VHL: variants seen among roughly 807,000 people sequenced by gnomAD.
The protein encoded by VHL is von Hippel-Lindau disease tumor suppressor.
Under a neutral mutation model 19.2 loss-of-function variants are expected in VHL, and 10 were observed. The observed-to-expected ratio is 0.52, with a 90% CI of 0.32 to 0.89. VHL has a LOEUF of 0.89. Among genes scored for constraint, VHL ranks in the 40% least tolerant of loss-of-function variants. The probability of loss-of-function intolerance (pLI) is 0.03; values close to 1 mark genes in which losing one functional copy is unlikely to be tolerated. For missense variants in VHL, 328 were observed against 292.7 expected, an observed-to-expected ratio of 1.12 and a Z score of -0.88; for synonymous variants, 167 against 129.5, an observed-to-expected ratio of 1.29 and a Z score of -1.97.
At chr3:10,145,828 A>C (rs1392750477) in intron 1 of VHL, among the ~76,000 whole-genome samples, 2 of 152,152 alleles carry the variant, frequency 1.3e-5, no homozygotes, top group Non-Finnish European at 2.9e-5. Context: ...GTTTTTGAGA[A>C]GCACTGATTT....
intron 1 of VHL, among the ~76,000 whole-genome samples, chr3:10,145,716 A>AG (rs1696239144): frequency 6.6e-6 from 1 of 151,672 alleles, no homozygotes; most frequent in East Asian, 1.9e-4. Context: ...AAAAAAAAAA[A>AG]AAAGAAAAAG....
Position 10,142,052 on chromosome 3 carries a change from C to A in VHL, c.205C>A (p.Arg69Ser). 1 of 1,605,474 alleles carries A rather than the reference C, an allele frequency of 6.2e-7. No individual in the cohort carries two copies. The highest frequency in any genetic ancestry group is 1.7e-4 in the Middle Eastern group (1 of 6,044). The change falls in exon 1 of 3, where the codon CGC becomes AGC. Residue 69 changes from arginine to serine, a missense_variant. Coordinates refer to ENST00000256474, the MANE Select transcript of VHL (RefSeq NM_000551.4). ...GCCCGTGCTGCGCTCGGTGAACTCG[C>A]GCGAGCCCTCCCAGGTCATCTTCTG... ...PRPVLRSVNS[R>S]EPSQVIFCNR...
At position 10,142,032 on chromosome 3, in the gene VHL, T is replaced by C. The variant is rs1696127941; in HGVS notation, c.185T>C (p.Val62Ala). ...ATGGAGGCCGGGCGGCCGCGGCCCG[T>C]GCTGCGCTCGGTGAACTCGCGCGAG... ...EEMEAGRPRP[V>A]LRSVNSREPS... Residue 62 changes from valine to alanine, a missense_variant, in exon 1 of 3, where the codon GTG becomes GCG. Physicochemically the swap from Val to Ala is moderately conservative, Grantham distance 64. Transcript: ENST00000256474. 1 of 1,599,958 alleles carries C rather than the reference T, an allele frequency of 6.3e-7. No homozygotes were observed. Among genetic ancestry groups the C allele is most frequent in the Admixed American group, 1.7e-5 (1 of 58,356 alleles).
rs181381146 is a variant in VHL, at chr3:10,145,685, G to C, written c.341-829G>C. Among the ~76,000 whole-genome samples the C allele has an allele frequency of 4.3e-3, 579 of 134,650 alleles. 18 individuals carry two copies. In the South Asian group the frequency reaches 0.057, roughly 13 times the overall value. The allele number at this position is 134,650 out of a possible 152,430, so 88.3% of individuals were successfully genotyped here. On this transcript the variant is annotated intron_variant, in intron 1 of 2. Transcript: ENST00000256474. ...CGTGCCACTGCACTCCAGCCTGGGC[G>C]ACAGAGCAAGACTGCATCTCAAAAA...
intron 2 of VHL, among the ~76,000 whole-genome samples, chr3:10,147,324 T>G (rs983443539): frequency 6.6e-6 from 1 of 151,134 alleles, no homozygotes; most frequent in Non-Finnish European, 1.5e-5. Flanking sequence ...TATTTTCAAT[T>G]TAACACAATC....
At chr3:10,149,666 T>G in intron 2 of VHL, 121 bp from the exon 3 acceptor site, 1 of 876,684 alleles carries the variant, frequency 1.1e-6, no homozygotes, top group Non-Finnish European at 1.8e-6. Context: ...GCACTCACTT[T>G]TTTTCTTTAA....
In VHL at chr3:10,141,932, G is replaced by A. The variant is rs1277221408; in HGVS notation, c.85G>A (p.Gly29Ser). 6.5e-7 allele frequency: 1 copy of A among 1,540,064 alleles called. No homozygotes were observed. The highest frequency in any genetic ancestry group is 1.4e-5 in the African/African-American group (1 of 72,722). ...GVEEYGPEED[G>S]GEESGAEESG... Reference sequence around the variant, plus strand: ...CGAAGAGTACGGCCCTGAAGAAGACGGCGGGGAGGAGTCGGGCGCCGAGGA... The same window carrying A: ...CGAAGAGTACGGCCCTGAAGAAGACAGCGGGGAGGAGTCGGGCGCCGAGGA... Residue 29 changes from glycine (G) to serine (S), a missense_variant, in exon 1 of 3, where the codon GGC becomes AGC. Gly to Ser is a moderately conservative substitution (Grantham distance 56, BLOSUM62 0). Coordinates refer to ENST00000256474, the MANE Select transcript of VHL (RefSeq NM_000551.4).
In VHL at chr3:10,149,913, A is replaced by C. The variant is rs752940316; in HGVS notation, c.590A>C (p.Asp197Ala). 3.7e-6 allele frequency: 6 copies of C among 1,614,196 alleles called. No homozygotes were observed. The highest frequency in any genetic ancestry group is 5.1e-6 in the Non-Finnish European group (6 of 1,180,036). The change falls in exon 3 of 3, where the codon GAC becomes GCC. Residue 197 changes from aspartate (D) to alanine (A), a missense_variant. Asp to Ala is a moderately radical substitution (Grantham distance 126, BLOSUM62 -2). Coordinates refer to ENST00000256474, the MANE Select transcript of VHL (RefSeq NM_000551.4). Reference protein sequence around the residue: ...DLEDHPNVQKDLERLTQERIA... With the variant: ...DLEDHPNVQKALERLTQERIA... ...GAAGACCACCCAAATGTGCAGAAAG[A>C]CCTGGAGCGGCTGACACAGGAGCGC...
rs774557051 is a variant in VHL, at chr3:10,142,063, C to T, written c.216C>T (p.Ser72=). 1.2e-6 allele frequency: 2 copies of T among 1,607,248 alleles called. No individual in the cohort carries two copies. Among genetic ancestry groups the T allele is most frequent in the Non-Finnish European group, 1.7e-6 (2 of 1,179,154 alleles). ...VLRSVNSREP[S]QVIFCNRSPR... ...GCTCGGTGAACTCGCGCGAGCCCTC[C>T]CAGGTCATCTTCTGCAATCGCAGTC... The change falls in exon 1 of 3, where the codon TCC becomes TCT. Residue 72 remains serine, a synonymous_variant. Transcript: ENST00000256474.
At position 10,149,810 on chromosome 3, in the gene VHL, C is replaced by A; in HGVS notation, c.487C>A (p.Leu163Ile). 1 of 1,614,190 alleles carries A rather than the reference C, an allele frequency of 6.2e-7. No individual in the cohort carries two copies. The highest frequency in any genetic ancestry group is 8.5e-7 in the Non-Finnish European group (1 of 1,180,050). The part of the protein sequence containing the change: ...LPVYTLKERC[L>I]QVVRSLVKPE... ...AGTGTATACTCTGAAAGAGCGATGC[C>A]TCCAGGTTGTCCGGAGCCTAGTCAA... The change falls in exon 3 of 3, where the codon CTC (leucine) becomes ATC (isoleucine). Residue 163 changes from leucine (L) to isoleucine (I), a missense_variant. Leu to Ile is a conservative substitution (Grantham distance 5). Coordinates refer to ENST00000256474, the MANE Select transcript of VHL (RefSeq NM_000551.4).
At chr3:10,145,232 A>G (rs1696226666) in intron 1 of VHL, among the ~76,000 whole-genome samples, 1 of 152,104 alleles carries the variant, frequency 6.6e-6, no homozygotes, top group Non-Finnish European at 1.5e-5. Context: ...TGTATATTTT[A>G]CCAAAATTTA....
At chr3:10,142,341 CTTTTTT>C (rs556405301) in intron 1 of VHL, among the ~76,000 whole-genome samples, 154 bp downstream of exon 1, 1 of 107,950 alleles carries the variant, frequency 9.3e-6, no homozygotes, top group African/African-American at 3.7e-5. Context: ...TCAGAGCATT[CTTTTTT>C]TTTTTTTTTT....
chr3:10,146,635 A>G lies in VHL; in HGVS notation c.462A>G (p.Pro154=), dbSNP rs1060503562. 1.2e-6 allele frequency: 2 copies of G among 1,613,658 alleles called. No homozygotes were observed. The highest frequency in any genetic ancestry group is 2.7e-5 in the African/African-American group (2 of 75,034). Residue 154 remains proline (P), a splice_region_variant and synonymous_variant, in exon 2 of 3, where the codon CCA becomes CCG. Coordinates refer to ENST00000256474, the MANE Select transcript of VHL (RefSeq NM_000551.4). ...CTATTTTTGCCAATATCACACTGCCAGGTACTGACGTTTTACTTTTTAAAA... is the reference window on the plus strand; with the variant it reads ...CTATTTTTGCCAATATCACACTGCCGGGTACTGACGTTTTACTTTTTAAAA... ...GQPIFANITL[P]VYTLKERCLQ...
Position 10,150,223 on chromosome 3 carries a change from C to G in VHL, c.*258C>G. On this transcript the variant is annotated 3_prime_UTR_variant, in exon 3 of 3. Coordinates refer to ENST00000256474, the MANE Select transcript of VHL (RefSeq NM_000551.4). ...GAGAAGGTGGTGGCATTTTTGCTTC[C>G]TAGTAAGTCAGGACAGCTTGTATGT... 1 of 1,353,274 alleles carries G rather than the reference C, an allele frequency of 7.4e-7. No homozygotes were observed. Among genetic ancestry groups the G allele is most frequent in the South Asian group, 1.5e-5 (1 of 65,966 alleles). 83.8% of individuals were successfully genotyped at this position (1,353,274 alleles called of 1,614,324 possible).
At chr3:10,146,388 A>G in intron 1 of VHL, 126 bp from the exon 2 acceptor site, 1 of 1,285,184 alleles carries the variant, frequency 7.8e-7, no homozygotes, top group Non-Finnish European at 1.1e-6. Context: ...GTTAGCCAGG[A>G]CGGTCTTGAT....
rs1696383009 is a variant in VHL at position 10,150,466 on chromosome 3, C to G, written c.*501C>G. 8.5e-6 allele frequency: 6 copies of G among 703,754 alleles called. No homozygotes were observed. Among genetic ancestry groups the G allele is most frequent in the Non-Finnish European group, 1.1e-5 (6 of 526,536 alleles). The allele number at this position is 703,754 out of a possible 1,614,324, so 43.6% of individuals were successfully genotyped here. A position where few individuals can be genotyped will look rare whatever the true frequency, so the allele number is the denominator to read the frequency against. ...ACCCCAGTGCCTGCACATCATGAGC[C>G]TTCAGTCAGGGTTTGTCAGAGGAAC... is the stretch of plus-strand genomic sequence containing the variant. On this transcript the variant is annotated 3_prime_UTR_variant, in exon 3 of 3. Coordinates refer to ENST00000256474, the MANE Select transcript of VHL (RefSeq NM_000551.4).
Position 10,150,370 on chromosome 3 carries a change from A to G in VHL, c.*405A>G, listed in dbSNP as rs1425018569. ...CATTCTACATCCGTAGCGGTTGGTGACTTGTCTGCCTCCTGCTTTGGGAAG... is the reference window on the plus strand; with the variant it reads ...CATTCTACATCCGTAGCGGTTGGTGGCTTGTCTGCCTCCTGCTTTGGGAAG... On this transcript the variant is annotated 3_prime_UTR_variant, in exon 3 of 3. Coordinates refer to ENST00000256474, the MANE Select transcript of VHL (RefSeq NM_000551.4). 10 of 1,222,412 alleles carry G rather than the reference A, an allele frequency of 8.2e-6. No homozygotes were observed. In the African/African-American group the frequency reaches 1.5e-4, roughly 19 times the overall value. The allele number at this position is 1,222,412 out of a possible 1,614,324, so 75.7% of individuals were successfully genotyped here. A position where few individuals can be genotyped will look rare whatever the true frequency, so the allele number is the denominator to read the frequency against.
At chr3:10,148,667 A>G (rs2125129807) in intron 2 of VHL, among the ~76,000 whole-genome samples, 1 of 132,534 alleles carries the variant, frequency 7.5e-6, no homozygotes, top group Non-Finnish European at 1.6e-5. Context: ...CTACCACCCC[A>G]AAACTAATAA....
At position 10,142,761 on chromosome 3, in the gene VHL, A is replaced by T. The variant is rs982745672; in HGVS notation, c.340+574A>T. The T allele has an allele frequency of 6.4e-6, 1 of 156,686 alleles. No homozygotes were observed. The highest frequency in any genetic ancestry group is 1.4e-5 in the Non-Finnish European group (1 of 70,542). 9.7% of individuals were successfully genotyped at this position (156,686 alleles called of 1,614,324 possible). A position where few individuals can be genotyped will look rare whatever the true frequency, so the allele number is the denominator to read the frequency against. ...TGCATCCTTAACACCCCATCTGTTC[A>T]GTCCTCATGACTCCAGTGGGCCAGT... is the stretch of plus-strand genomic sequence containing the variant. On this transcript the variant is annotated intron_variant, in intron 1 of 2. Transcript: ENST00000256474.
Sources: gnomAD v4.1 joint callset for allele counts (sites outside exome capture counted in the v4.1 genomes callset) on GRCh38, gnomAD v4.1.1 for gene constraint, MANE v1.5 for transcripts, NCBI Gene and HGNC (gene_info 2026-07-23, HGNC 2026-07-21) for gene names.